Variants in TEX11 observed in about 807,000 individuals in gnomAD.
TEX11 encodes the protein testis expressed 11.
Under a neutral mutation model 84.4 loss-of-function variants are expected in TEX11, and 7 were observed. The observed-to-expected ratio is 0.08, with a 90% CI of 0.05 to 0.16. The LOEUF (loss-of-function observed/expected upper bound fraction) is 0.16, where lower values mean the gene tolerates loss of function less well. Among genes scored for constraint, TEX11 ranks in the 10% least tolerant of loss-of-function variants. The pLI is 1.00. For synonymous variants in TEX11, 264 were observed against 222.8 expected, an observed-to-expected ratio of 1.18 and a Z score of -1.64; for missense variants, 551 against 660.5, an observed-to-expected ratio of 0.83 and a Z score of 1.82.
intron 9 of TEX11, among the ~76,000 whole-genome samples, chrX:70,790,430 C>T (rs1040113828): frequency 6.3e-5 from 7 of 111,370 alleles, no homozygotes; most frequent in African/African-American, 2.3e-4. Flanking sequence ...TATGAGTCAA[C>T]ACACTCCCAC....
In TEX11 at chrX:70,833,615, A is replaced by G. The variant is rs774095860; in HGVS notation, c.526-22T>C. 3 of 1,141,349 alleles carry G rather than the reference A, an allele frequency of 2.6e-6. No homozygotes were observed. The South Asian group carries it at 5.7e-5, about 22-fold the overall frequency. 94.1% of individuals were successfully genotyped at this position (1,141,349 alleles called of 1,213,427 possible). ...CTGCCTGAAAAAGATAAAGAATGTC[A>G]ATAATTGGTTAAAATGACAAGGTTA... On this transcript the variant is annotated intron_variant, in intron 7 of 29. Transcript: ENST00000374333.
intron 9 of TEX11, among the ~76,000 whole-genome samples, chrX:70,772,627 T>C (rs1458656858): frequency 9.0e-6 from 1 of 110,966 alleles, no homozygotes; most frequent in Non-Finnish European, 1.9e-5. Flanking sequence ...AAGGAATAAA[T>C]TAAAGCACCA....
chrX:70,773,475 C>T (rs188906326), intron 9 of TEX11, among the ~76,000 whole-genome samples: 18 of 111,185 alleles, frequency 1.6e-4, no homozygotes, highest in African/African-American at 5.2e-4. Context: ...AATTATTTCC[C>T]AGACAAACAA....
chrX:70,627,458 T>C (rs1454123579), intron 18 of TEX11, among the ~76,000 whole-genome samples: 2 of 111,454 alleles, frequency 1.8e-5, no homozygotes, highest in African/African-American at 6.5e-5. Context: ...AGCTAATCTA[T>C]GGTGGCAGTT....
chrX:70,572,857 G>T (rs1200037598), intron 25 of TEX11, among the ~76,000 whole-genome samples: 1 of 73,512 alleles, frequency 1.4e-5, no homozygotes, highest in Non-Finnish European at 2.5e-5. Flanking sequence ...GCTGTGGGGT[G>T]GGGGGAGGGG....
intron 25 of TEX11, among the ~76,000 whole-genome samples, chrX:70,570,648 T>C (rs778369757): frequency 9.8e-5 from 11 of 111,894 alleles, no homozygotes; most frequent in Non-Finnish European, 1.7e-4. Context: ...TGCATTTCTT[T>C]AGTAGGTTTA....
chrX:70,701,021 T>C (rs193057667), intron 13 of TEX11, among the ~76,000 whole-genome samples: 1 of 111,707 alleles, frequency 9.0e-6, no homozygotes, highest in African/African-American at 3.2e-5. Context: ...TACCAGAGGT[T>C]CGTTCTTGTG....
downstream of TEX11, among the ~76,000 whole-genome samples, chrX:70,528,761 C>T (rs2087847957): frequency 9.0e-6 from 1 of 111,469 alleles, no homozygotes; most frequent in Non-Finnish European, 1.9e-5. Context: ...TTGATATCTT[C>T]AGGGATTAGG....
At chrX:70,744,241 AAT>A (rs1556037146) in intron 9 of TEX11, 22 bp from the exon 10 acceptor site, 507 of 631,061 alleles carry the variant, frequency 8.0e-4, no homozygotes, top group Non-Finnish European at 8.4e-4. Flanking sequence ...AAGGAAAAAA[AAT>A]ATATATATAT....
Position 70,780,569 on chromosome X carries a change from C to T in TEX11, c.692+26136G>A, listed in dbSNP as rs35944517. ...CTTTCCTAGCCAAGGGAAGCTGTGA[C>T]AGTCTGTACCTGGAGGAACAGTACA... On this transcript the variant is annotated intron_variant, in intron 9 of 29. Coordinates refer to ENST00000374333, the MANE Select transcript of TEX11 (RefSeq NM_031276.3). Among the ~76,000 whole-genome samples the T allele has an allele frequency of 7.8e-3, 876 of 112,244 alleles. 9 individuals are homozygous for T. The highest frequency in any genetic ancestry group is 0.012 in the Non-Finnish European group (615 of 53,208).
At chrX:70,704,809 T>C (rs895481751) in intron 13 of TEX11, among the ~76,000 whole-genome samples, 2 of 111,400 alleles carry the variant, frequency 1.8e-5, no homozygotes, top group African/African-American at 6.5e-5. Context: ...GTATGACTTA[T>C]GGCTTTACTA....
chrX:70,866,631 A>G lies in TEX11; in HGVS notation c.245-5695T>C, dbSNP rs145077256. On this transcript the variant is annotated intron_variant, in intron 4 of 29. Coordinates refer to ENST00000374333, the MANE Select transcript of TEX11 (RefSeq NM_031276.3). ...AGGCCAATATCCCTGATGAACATCAATGCGAAAATCCTCAATAAAATACTG... is the reference window on the plus strand; with the variant it reads ...AGGCCAATATCCCTGATGAACATCAGTGCGAAAATCCTCAATAAAATACTG... Among the ~76,000 whole-genome samples, 7 of 111,879 alleles carry G rather than the reference A, an allele frequency of 6.3e-5. No individual in the cohort carries two copies. The East Asian group carries it at 2.0e-3, about 31-fold the overall frequency.
chrX:70,605,957 AC>A (rs2089191007), intron 23 of TEX11, among the ~76,000 whole-genome samples: 2 of 111,684 alleles, frequency 1.8e-5, no homozygotes, highest in African/African-American at 6.5e-5. Flanking sequence ...ATTAGTCATG[AC>A]CTCATCATTA....
At chrX:70,527,145 C>T (rs777606672), downstream of TEX11, among the ~76,000 whole-genome samples, 1 of 111,793 alleles carries the variant, frequency 8.9e-6, no homozygotes, top group Non-Finnish European at 1.9e-5. Flanking sequence ...AATGTTCAGG[C>T]AAGAATCACC....
intron 15 of TEX11, among the ~76,000 whole-genome samples, chrX:70,672,116 T>C (rs1443685993): frequency 9.1e-6 from 1 of 109,511 alleles, no homozygotes; most frequent in Non-Finnish European, 1.9e-5. Flanking sequence ...TATGTATTAA[T>C]ACTTTTTTGC....
chrX:70,751,645 A>G (rs756222328), intron 9 of TEX11, among the ~76,000 whole-genome samples: 3 of 111,630 alleles, frequency 2.7e-5, no homozygotes, highest in South Asian at 3.8e-4. Flanking sequence ...AACAAAAAAA[A>G]GAAAAAAAAA....
chrX:70,675,951 G>T (rs139310797), intron 15 of TEX11, among the ~76,000 whole-genome samples: 1 of 111,520 alleles, frequency 9.0e-6, no homozygotes, highest in African/African-American at 3.3e-5. Context: ...CATTCTCCAC[G>T]GATTTGACTA....
At chrX:70,792,298 A>G (rs1162628692) in intron 9 of TEX11, among the ~76,000 whole-genome samples, 1 of 30,412 alleles carries the variant, frequency 3.3e-5, no homozygotes, top group East Asian at 1.1e-3. Context: ...AAAAAAAAAA[A>G]AAAAAAAAAA....
intron 11 of TEX11, among the ~76,000 whole-genome samples, chrX:70,731,926 T>C (rs1479031273): frequency 1.8e-5 from 2 of 111,666 alleles, no homozygotes; most frequent in Non-Finnish European, 3.8e-5. Context: ...CAAATTGAAT[T>C]CAGCAGCACA....
Sources: allele counts gnomAD v4.1 joint callset (sites outside exome capture counted in the v4.1 genomes callset), GRCh38; gene constraint gnomAD v4.1.1; transcripts MANE v1.5; gene names NCBI Gene and HGNC (gene_info 2026-07-23, HGNC 2026-07-21).